Variants in RGS5 observed in about 807,000 individuals in gnomAD.
RGS5 encodes regulator of G-protein signalling 5.
A neutral mutation model predicts 18.9 loss-of-function variants in RGS5; 20 were observed. The observed-to-expected ratio is 1.06, with a 90% confidence interval of 0.74 to 1.54. RGS5 has a LOEUF of 1.54. Among genes scored for constraint, RGS5 ranks in the 40% most tolerant of loss-of-function variants. The pLI is 0.00. For missense variants in RGS5, 201 were observed against 211.8 expected, an observed-to-expected ratio of 0.95 and a Z score of 0.32; for synonymous variants, 57 against 76.2, an observed-to-expected ratio of 0.75 and a Z score of 1.31.
chr1:163,163,043 G>GC (rs1289073741), intron 2 of RGS5, among the ~76,000 whole-genome samples: 1 of 63,120 alleles, frequency 1.6e-5, no homozygotes, highest in Non-Finnish European at 3.9e-5. Context: ...ATATTTCGGG[G>GC]GGGGGGGTGG....
In RGS5 at chr1:163,254,788, G is replaced by A. The variant is rs1571321702; in HGVS notation, c.-281+51445C>T. ...GGGTTTTTATGGTTTTAGGTCTAAC[G>A]TTTAAGTCTTTAATCCATCTTGAAT... is the stretch of plus-strand genomic sequence containing the variant. On this transcript the variant is annotated intron_variant, in intron 2 of 5. Transcript: ENST00000618415. Among the ~76,000 whole-genome samples, 3 of 151,384 alleles carry A rather than the reference G, an allele frequency of 2.0e-5. No individual in the cohort carries two copies. The South Asian group carries it at 6.3e-4, about 32-fold the overall frequency.
At chr1:163,214,548 T>TGA (rs1660175925) in intron 1 of RGS5, among the ~76,000 whole-genome samples, 1 of 152,014 alleles carries the variant, frequency 6.6e-6, no homozygotes, top group Non-Finnish European at 1.5e-5. Context: ...TCGGGCTCAT[T>TGA]CTCCATGATC....
rs55700806 is a variant in RGS5 at position 163,208,518 on chromosome 1, TAAAAAAAAAAAAA to T, written c.69+8995_69+9007del. Among the ~76,000 whole-genome samples the T allele has an allele frequency of 1.6e-3, 23 of 14,466 alleles. 1 individual carries two copies. In the South Asian group the frequency reaches 0.087, roughly 55 times the overall value. 9.5% of individuals were successfully genotyped at this position (14,466 alleles called of 152,430 possible). A position where few individuals can be genotyped will look rare whatever the true frequency, so the allele number is the denominator to read the frequency against. On this transcript the variant is annotated intron_variant, in intron 1 of 5. Coordinates refer to the RGS5 transcript ENST00000367903. ...CAACAGAACAAGACTCCACCTCCATTAAAAAAAAAAAAAAAAAAAAAAAAAAAGTCAGAAGTAA... is the reference window on the plus strand; with the variant it reads ...CAACAGAACAAGACTCCACCTCCATTAAAAAAAAAAAAAAGTCAGAAGTAA...
intron 2 of RGS5, among the ~76,000 whole-genome samples, chr1:163,255,061 T>C (rs1444010664): frequency 3.3e-5 from 5 of 152,222 alleles, no homozygotes; most frequent in Admixed American, 6.5e-5. Flanking sequence ...CCTTGTAGTA[T>C]AGTTTGAAGT....
intron 4 of RGS5, 58 bp from the exon 5 acceptor site, chr1:163,147,561 G>GTC: frequency 1.1e-5 from 16 of 1,399,528 alleles, no homozygotes; most frequent in Non-Finnish European, 1.5e-5. Context: ...TTGATGAGGG[G>GTC]TGAAGAGGGA....
At chr1:163,184,400 C>CA (rs34214775) in intron 1 of RGS5, among the ~76,000 whole-genome samples, 5,350 of 104,862 alleles carry the variant, frequency 0.051, 118 homozygotes, top group Admixed American at 0.08. Context: ...CCCATCCCTC[C>CA]AAAAAAAAAA....
At chr1:163,233,947 T>C (rs867303536) in intron 2 of RGS5, among the ~76,000 whole-genome samples, 17 of 152,186 alleles carry the variant, frequency 1.1e-4, no homozygotes, top group African/African-American at 4.1e-4. Flanking sequence ...TTCACTTCTT[T>C]TGTGGATCTT....
At chr1:163,292,174 C>G (rs1476213689) in intron 2 of RGS5, among the ~76,000 whole-genome samples, 1 of 152,090 alleles carries the variant, frequency 6.6e-6, no homozygotes, top group Non-Finnish European at 1.5e-5. Flanking sequence ...TCTTCTACCC[C>G]CCACCCTCTG....
At chr1:163,147,852 G>A (rs1386269402) in intron 4 of RGS5, among the ~76,000 whole-genome samples, 2 of 150,286 alleles carry the variant, frequency 1.3e-5, no homozygotes, top group Admixed American at 6.6e-5. Context: ...TCACAGAACT[G>A]ATAAGTGTAT....
intron 1 of RGS5, among the ~76,000 whole-genome samples, chr1:163,199,550 G>C (rs1557902122): frequency 6.6e-6 from 1 of 151,796 alleles, no homozygotes; most frequent in African/African-American, 2.4e-5. Context: ...TAATCTTATG[G>C]AAAAAAACTT....
At chr1:163,306,358 C>G (rs1649698981) in intron 1 of RGS5, 1 of 152,144 alleles carries the variant, frequency 6.6e-6, no homozygotes, top group South Asian at 2.1e-4. Context: ...ATCGCATGTA[C>G]TCAGCATGTT....
intron 2 of RGS5, among the ~76,000 whole-genome samples, chr1:163,295,188 A>T (rs554308928): frequency 1.3e-5 from 2 of 152,284 alleles, no homozygotes; most frequent in South Asian, 4.2e-4. Context: ...AGGTATCTTT[A>T]TAGGAGCACC....
chr1:163,158,218 G>C (rs1178849064), intron 3 of RGS5, among the ~76,000 whole-genome samples: 1 of 152,146 alleles, frequency 6.6e-6, no homozygotes, highest in Non-Finnish European at 1.5e-5. Context: ...AGTGATGTTG[G>C]AGTAGAATTA....
upstream of RGS5, chr1:163,206,718 C>T (rs920518982): frequency 6.6e-6 from 1 of 151,888 alleles, no homozygotes; most frequent in Non-Finnish European, 1.5e-5. Context: ...AAGGCACCAT[C>T]TTGGAGAAGC....
intron 1 of RGS5, among the ~76,000 whole-genome samples, chr1:163,195,360 T>C (rs1659521704): frequency 6.6e-6 from 1 of 151,630 alleles, no homozygotes; most frequent in Admixed American, 6.6e-5. Flanking sequence ...CACTTATAAG[T>C]GGGAGCTAAG....
At chr1:163,285,826 T>C (rs905224058) in intron 2 of RGS5, among the ~76,000 whole-genome samples, 7 of 152,000 alleles carry the variant, frequency 4.6e-5, no homozygotes, top group Non-Finnish European at 1.0e-4. Flanking sequence ...CCGTGCCTAC[T>C]TCCCCTTTGC....
Position 163,165,735 on chromosome 1 carries a change from GTC to G in RGS5, c.155+2521_155+2522del, listed in dbSNP as rs556527843. On this transcript the variant is annotated intron_variant, in intron 2 of 4. Transcript: ENST00000313961. The stretch of plus-strand genomic sequence containing the variant: ...AGCCTGACCAACATGGAGAAACCCT[GTC>G]TCTACTAAAAAATACAAAATTAGCC... Among the ~76,000 whole-genome samples the G allele has an allele frequency of 4.3e-4, 66 of 152,170 alleles. No individual in the cohort carries two copies. The South Asian group carries it at 0.013, about 31-fold the overall frequency.
At chr1:163,255,295 C>T (rs1394119510) in intron 2 of RGS5, among the ~76,000 whole-genome samples, 1 of 152,136 alleles carries the variant, frequency 6.6e-6, no homozygotes, top group African/African-American at 2.4e-5. Flanking sequence ...GAATGTTCTT[C>T]CATTTGTTTG....
intron 2 of RGS5, among the ~76,000 whole-genome samples, chr1:163,240,344 C>T (rs191923701): frequency 1.6e-4 from 24 of 150,554 alleles, no homozygotes; most frequent in African/African-American, 5.9e-4. Context: ...ACACAGTAAA[C>T]AAACAAAGCC....
Sources: gnomAD v4.1 joint callset for allele counts (sites outside exome capture counted in the v4.1 genomes callset) on GRCh38, gnomAD v4.1.1 for gene constraint, MANE v1.5 for transcripts, NCBI Gene and HGNC (gene_info 2026-07-23, HGNC 2026-07-21) for gene names.